ENPEP: variants seen among roughly 807,000 people sequenced by gnomAD.
ENPEP encodes glutamyl aminopeptidase.
In ENPEP, 103 loss-of-function variants were observed where a neutral mutation model predicts 114.5. The ratio of observed to expected loss-of-function variants is 0.90; its 90% confidence interval spans 0.77 to 1.06. The LOEUF (loss-of-function observed/expected upper bound fraction) is 1.06, where lower values mean the gene tolerates loss of function less well. Ranked by LOEUF, ENPEP falls within the 50% of genes least tolerant of loss-of-function variation. The pLI is 0.00. For synonymous variants in ENPEP, 420 were observed against 422.0 expected, an observed-to-expected ratio of 1.00 and a Z score of 0.06; for missense variants, 1,196 against 1,161.3, an observed-to-expected ratio of 1.03 and a Z score of -0.43.
At chr4:110,510,610 G>GAAA (rs55693513) in intron 6 of ENPEP, among the ~76,000 whole-genome samples, 1 of 136,042 alleles carries the variant, frequency 7.4e-6, no homozygotes, top group Non-Finnish European at 1.6e-5. Flanking sequence ...ATCAAGGCAG[G>GAAA]AAAAAAAAAA....
In ENPEP at chr4:110,561,837, T is replaced by G. The variant is rs1047399950; in HGVS notation, c.*279T>G. The G allele has an allele frequency of 1.8e-5, 4 of 228,156 alleles. No homozygotes were observed. The highest frequency in any genetic ancestry group is 6.8e-5 in the African/African-American group (3 of 43,846). The allele number at this position is 228,156 out of a possible 1,614,324, so 14.1% of individuals were successfully genotyped here. A position where few individuals can be genotyped will look rare whatever the true frequency, so the allele number is the denominator to read the frequency against. Reference sequence around the variant, plus strand: ...ATAATGAAATAGTTATTTTAATACCTTTAAATATCATTCTTTGTATCTTAA... The same window carrying G: ...ATAATGAAATAGTTATTTTAATACCGTTAAATATCATTCTTTGTATCTTAA... On this transcript the variant is annotated 3_prime_UTR_variant, in exon 20 of 20. Coordinates refer to ENST00000265162, the MANE Select transcript of ENPEP (RefSeq NM_001977.4).
At position 110,488,556 on chromosome 4, in the gene ENPEP, C is replaced by A; in HGVS notation, c.660C>A (p.Thr220=). Residue 220 remains threonine (T), a synonymous_variant, in exon 2 of 20, where the codon ACC becomes ACA. Transcript: ENST00000265162. ...ENGQVKSIVA[T]DHEPTDARKS... is the part of the protein sequence containing the mutation. ...TGTTTCTAAGGAGCATAGTGGCCAC[C>A]GATCATGAACCAACAGATGCCAGGA... 6.2e-7 allele frequency: 1 copy of A among 1,611,704 alleles called. No individual in the cohort carries two copies. The highest frequency in any genetic ancestry group is 1.1e-5 in the South Asian group (1 of 90,750).
chr4:110,561,413 GC>G lies in ENPEP; in HGVS notation c.2730del (p.Phe912LeufsTer21), dbSNP rs1257588459. 6.2e-7 allele frequency: 1 copy of G among 1,613,730 alleles called. No homozygotes were observed. The highest frequency in any genetic ancestry group is 1.7e-5 in the Admixed American group (1 of 59,874). On this transcript the variant is annotated frameshift_variant, in exon 20 of 20. Transcript: ENST00000265162. LOFTEE classifies it low-confidence loss of function (END_TRUNC). Reference sequence around the variant, plus strand: ...CTCCCCTCTCTTTTCTAGATGGAGAGCTTTTTTGCAAAATATCCACAAGCTG... The same window carrying G: ...CTCCCCTCTCTTTTCTAGATGGAGAGTTTTTTGCAAAATATCCACAAGCTG... ...NTELQLWQME[S>X]FFAKYPQAGA...
chr4:110,487,088 G>A (rs1356255492), intron 1 of ENPEP, among the ~76,000 whole-genome samples: 1 of 152,146 alleles, frequency 6.6e-6, no homozygotes, highest in Non-Finnish European at 1.5e-5. Flanking sequence ...ATCAAGTACG[G>A]AGTCTGCAAA....
intron 2 of ENPEP, among the ~76,000 whole-genome samples, chr4:110,489,801 G>T (rs1724635874): frequency 6.6e-6 from 1 of 152,012 alleles, no homozygotes; most frequent in Non-Finnish European, 1.5e-5. Context: ...TAATCAGAAG[G>T]ACACCAGCCC....
intron 3 of ENPEP, among the ~76,000 whole-genome samples, chr4:110,502,632 G>A (rs570104849): frequency 1.3e-5 from 2 of 152,084 alleles, no homozygotes; most frequent in Non-Finnish European, 2.9e-5. Flanking sequence ...ATTGGTCTGT[G>A]TGTCTATTTT....
In ENPEP at chr4:110,488,687, G is replaced by A; in HGVS notation, c.786+5G>A. ...CTTTCAAATATGCCAGTGGCGGTAA[G>A]TATTTTTTAAATGTTTTGTTTATGC... On this transcript the variant is annotated splice_donor_5th_base_variant and intron_variant, in intron 2 of 19. Transcript: ENST00000265162. 6.2e-7 allele frequency: 1 copy of A among 1,605,128 alleles called. No homozygotes were observed. Among genetic ancestry groups the A allele is most frequent in the Non-Finnish European group, 8.5e-7 (1 of 1,177,390 alleles).
At position 110,527,718 on chromosome 4, in the gene ENPEP, T is replaced by A. The variant is rs528244845; in HGVS notation, c.1728-3480T>A. 1.1e-4 allele frequency among the ~76,000 whole-genome samples: 16 copies of A among 152,340 alleles called. No individual in the cohort carries two copies. In the South Asian group the frequency reaches 1.2e-3, roughly 12 times the overall value. ...CTAGCAAATTAGATTAACTATTTAA[T>A]ACTGCTGGAGCCTCTGGATATTAAA... On this transcript the variant is annotated intron_variant, in intron 10 of 19. Transcript: ENST00000265162.
At chr4:110,522,079 G>A (rs1311014322) in intron 10 of ENPEP, among the ~76,000 whole-genome samples, 4 of 152,004 alleles carry the variant, frequency 2.6e-5, no homozygotes, top group South Asian at 2.1e-4. Context: ...GAGTTTCACC[G>A]AGTTGACCAG....
intron 10 of ENPEP, among the ~76,000 whole-genome samples, chr4:110,521,028 C>A (rs1419585612): frequency 1.3e-5 from 2 of 152,172 alleles, no homozygotes; most frequent in Non-Finnish European, 2.9e-5. Flanking sequence ...TTGGTTGAGA[C>A]TCTCAGAGTA....
At chr4:110,541,175 T>G (rs140753302) in intron 11 of ENPEP, among the ~76,000 whole-genome samples, 29 of 152,258 alleles carry the variant, frequency 1.9e-4, no homozygotes, top group Middle Eastern at 6.8e-3. Flanking sequence ...GGGTTTATAA[T>G]TTATCAATTA....
chr4:110,498,791 C>T (rs1290726779), intron 3 of ENPEP, among the ~76,000 whole-genome samples: 2 of 151,988 alleles, frequency 1.3e-5, no homozygotes, highest in Non-Finnish European at 2.9e-5. Flanking sequence ...CATCTCAGTC[C>T]CCTCACACTC....
chr4:110,561,094 G>A (rs566711670), intron 19 of ENPEP, among the ~76,000 whole-genome samples: 1 of 152,286 alleles, frequency 6.6e-6, no homozygotes, highest in East Asian at 1.9e-4. Context: ...ACACCTTGGG[G>A]AATTCAGAGA....
At position 110,476,674 on chromosome 4, in the gene ENPEP, A is replaced by C; in HGVS notation, c.260A>C (p.Gln87Pro). The change falls in exon 1 of 20, where the codon CAG (glutamine) becomes CCG (proline). Residue 87 changes from glutamine (Q) to proline (P), a missense_variant. Transcript: ENST00000265162. ...CCGGCCAGTGAGGATGAGAGCGGAC[A>C]GTGGAAAAACTTTCGACTGCCGGAC... ...ICPASEDESG[Q>P]WKNFRLPDFV... The C allele has an allele frequency of 6.2e-7, 1 of 1,613,898 alleles. No individual in the cohort carries two copies. Among genetic ancestry groups the C allele is most frequent in the Non-Finnish European group, 8.5e-7 (1 of 1,180,038 alleles).
intron 3 of ENPEP, 139 bp downstream of exon 3, chr4:110,491,303 T>A: frequency 1.4e-6 from 1 of 719,010 alleles, no homozygotes; most frequent in Non-Finnish European, 2.1e-6. Flanking sequence ...GTGGACTTGA[T>A]AATACATAGA....
Position 110,520,347 on chromosome 4 carries a change from C to T in ENPEP, c.1708C>T (p.Gln570Ter), listed in dbSNP as rs138043602. The change falls in exon 10 of 20, where the codon CAG becomes TAG. Residue 570 changes from glutamine to a stop codon, truncating the protein, a stop_gained. Transcript: ENST00000265162. LOFTEE classifies it high-confidence loss of function. ...FLLDPRANPS[Q>*]PPSDLGYTWN... ...GTTGGACCCAAGAGCTAACCCTTCT[C>T]AGCCCCCTTCAGATCTTGGGTAAGG... is the stretch of plus-strand genomic sequence containing the variant. The T allele has an allele frequency of 9.4e-5, 152 of 1,613,908 alleles. No individual in the cohort carries two copies. Among genetic ancestry groups the T allele is most frequent in the Admixed American group, 3.8e-4 (23 of 59,998 alleles).
chr4:110,549,983 C>A, intron 17 of ENPEP, 97 bp downstream of exon 17: 1 of 1,181,288 alleles, frequency 8.5e-7, no homozygotes, highest in Non-Finnish European at 1.2e-6. Flanking sequence ...TGTTTTGTTT[C>A]CAAAAAAATC....
intron 18 of ENPEP, among the ~76,000 whole-genome samples, chr4:110,555,371 C>T (rs1256221980): frequency 1.3e-5 from 2 of 152,010 alleles, no homozygotes; most frequent in African/African-American, 4.8e-5. Flanking sequence ...AACACTTGAA[C>T]ATTTTCCAAA....
At chr4:110,518,212 A>G (rs1449388937) in intron 8 of ENPEP, among the ~76,000 whole-genome samples, 1 of 152,260 alleles carries the variant, frequency 6.6e-6, no homozygotes, top group African/African-American at 2.4e-5. Flanking sequence ...ATACATGTAC[A>G]TAAAAGATGT....
Sources: allele counts gnomAD v4.1 joint callset (sites outside exome capture counted in the v4.1 genomes callset), GRCh38; gene constraint gnomAD v4.1.1; transcripts MANE v1.5; gene names NCBI Gene and HGNC (gene_info 2026-07-23, HGNC 2026-07-21).